DPY19L3: variants seen among roughly 807,000 people sequenced by gnomAD.
DPY19L3 encodes the protein dpy-19 like C-mannosyltransferase 3.
DPY19L3 carries 51 observed loss-of-function variants against 92.3 expected under a neutral mutation model. The observed-to-expected ratio is 0.55, with a 90% CI of 0.44 to 0.70. The LOEUF (loss-of-function observed/expected upper bound fraction) is 0.70, where lower values mean the gene tolerates loss of function less well. Ranked by LOEUF, DPY19L3 falls within the 30% of genes least tolerant of loss-of-function variation. DPY19L3 has a pLI of 0.00. For missense variants in DPY19L3, 706 were observed against 855.9 expected, an observed-to-expected ratio of 0.82 and a Z score of 2.18; for synonymous variants, 309 against 315.2, an observed-to-expected ratio of 0.98 and a Z score of 0.21.
chr19:32,407,424 A>G (rs548851394), intron 1 of DPY19L3, among the ~76,000 whole-genome samples: 1 of 152,308 alleles, frequency 6.6e-6, no homozygotes, highest in South Asian at 2.1e-4. Context: ...AGACAAAACA[A>G]TATTTTAATT....
chr19:32,458,886 A>G (rs562221196), intron 12 of DPY19L3, among the ~76,000 whole-genome samples: 1 of 152,358 alleles, frequency 6.6e-6, no homozygotes, highest in East Asian at 1.9e-4. Flanking sequence ...TCTGGTGCCT[A>G]GACTTCGGCA....
chr19:32,472,312 T>G (rs188081512), intron 16 of DPY19L3, among the ~76,000 whole-genome samples: 1 of 152,250 alleles, frequency 6.6e-6, no homozygotes, highest in Admixed American at 6.5e-5. Context: ...GTTGTTAAAG[T>G]CAGGGCCCCA....
At position 32,468,553 on chromosome 19, in the gene DPY19L3, C is replaced by T. The variant is rs896714538; in HGVS notation, c.1615-178C>T. The T allele has an allele frequency of 1.1e-4, 142 of 1,258,830 alleles. No individual in the cohort carries two copies. The African/African-American group carries it at 1.5e-3, about 13-fold the overall frequency. The allele number at this position is 1,258,830 out of a possible 1,614,324, so 78.0% of individuals were successfully genotyped here. ...AAGATAATTTCAGAAACTTCCCAGG[C>T]GCTAGTTCCCTTGTATTAGGAGGGT... On this transcript the variant is annotated intron_variant, in intron 15 of 18. Transcript: ENST00000392250.
intron 16 of DPY19L3, 140 bp downstream of exon 16, chr19:32,468,953 A>G (rs774950486): frequency 1.4e-6 from 1 of 703,932 alleles, no homozygotes; most frequent in Non-Finnish European, 2.1e-6. Context: ...TTTTTCTTTA[A>G]AACTCCATAT....
intron 3 of DPY19L3, chr19:32,427,968 C>CTTTTTT (rs35644896): frequency 2.9e-5 from 3 of 103,842 alleles, no homozygotes; most frequent in African/African-American, 3.8e-5. Flanking sequence ...GTAAACAAAT[C>CTTTTTT]TTTTTTTTTT....
intron 18 of DPY19L3, 34 bp from the exon 19 acceptor site, chr19:32,482,045 C>T (rs1436461242): frequency 3.1e-6 from 5 of 1,598,118 alleles, no homozygotes; most frequent in African/African-American, 1.4e-5. Flanking sequence ...AGAATTTTCC[C>T]CCCAAATTGT....
chr19:32,473,962 C>T (rs939001589), intron 16 of DPY19L3, among the ~76,000 whole-genome samples: 2 of 152,164 alleles, frequency 1.3e-5, no homozygotes, highest in African/African-American at 2.4e-5. Context: ...GCCACCACAC[C>T]TGGCTAATTT....
intron 15 of DPY19L3, among the ~76,000 whole-genome samples, chr19:32,466,304 C>G (rs763352279): frequency 1.3e-5 from 2 of 152,122 alleles, no homozygotes; most frequent in African/African-American, 2.4e-5. Flanking sequence ...TGTTTGGGTC[C>G]CACTCCAGAC....
chr19:32,471,505 C>G (rs1970356625), intron 16 of DPY19L3, among the ~76,000 whole-genome samples: 1 of 152,114 alleles, frequency 6.6e-6, no homozygotes, highest in Admixed American at 6.5e-5. Context: ...CTCAAGTGAC[C>G]CTCCATTTTG....
intron 12 of DPY19L3, among the ~76,000 whole-genome samples, chr19:32,462,476 G>A (rs1836417487): frequency 6.6e-6 from 1 of 152,082 alleles, no homozygotes; most frequent in African/African-American, 2.4e-5. Flanking sequence ...GATAAGAGGG[G>A]ACTACTGTGC....
rs543154198 is a variant in DPY19L3, at chr19:32,419,413, G to A, written c.237+8041G>A. ...CCTGACCTCGTGATCCACCCGCCTC[G>A]GCCTCCCAAAGTGCAGGGATTACAG... is the stretch of plus-strand genomic sequence containing the variant. On this transcript the variant is annotated intron_variant, in intron 3 of 18. Coordinates refer to ENST00000392250, the MANE Select transcript of DPY19L3 (RefSeq NM_001172774.2). Among the ~76,000 whole-genome samples the A allele has an allele frequency of 4.0e-5, 6 of 151,708 alleles. No homozygotes were observed. In the South Asian group the frequency reaches 6.3e-4, roughly 16 times the overall value.
At chr19:32,467,601 C>G in intron 15 of DPY19L3, 1 of 987,568 alleles carries the variant, frequency 1.0e-6, no homozygotes, top group Non-Finnish European at 1.2e-6. Flanking sequence ...AGTGATAGGT[C>G]TCAAACACAG....
chr19:32,474,455 A>G (rs1384600126), intron 16 of DPY19L3, among the ~76,000 whole-genome samples: 1 of 152,236 alleles, frequency 6.6e-6, no homozygotes, highest in East Asian at 1.9e-4. Context: ...AGGAGAGAGC[A>G]TCTTCAGTGA....
chr19:32,449,488 A>G (rs1372289599), intron 8 of DPY19L3, among the ~76,000 whole-genome samples: 1 of 152,138 alleles, frequency 6.6e-6, no homozygotes, highest in Non-Finnish European at 1.5e-5. Flanking sequence ...AAGAAGAGTA[A>G]AGTTGGAAGA....
At chr19:32,463,006 T>G (rs1278283293) in intron 12 of DPY19L3, among the ~76,000 whole-genome samples, 2 of 152,160 alleles carry the variant, frequency 1.3e-5, no homozygotes, top group African/African-American at 2.4e-5. Context: ...TTGTAAAAAT[T>G]TGAAAAATAC....
At chr19:32,413,794 C>T (rs543317368) in intron 3 of DPY19L3, among the ~76,000 whole-genome samples, 12 of 152,112 alleles carry the variant, frequency 7.9e-5, no homozygotes, top group Admixed American at 3.3e-4. Flanking sequence ...AATTACAGCT[C>T]GCTGCAGCCC....
intron 3 of DPY19L3, among the ~76,000 whole-genome samples, chr19:32,431,400 A>G (rs1968963318): frequency 6.6e-6 from 1 of 151,646 alleles, no homozygotes; most frequent in African/African-American, 2.4e-5. Context: ...AGATCGAATT[A>G]TATTTTAGAC....
chr19:32,420,406 G>A (rs2145427965), intron 3 of DPY19L3, among the ~76,000 whole-genome samples: 1 of 152,164 alleles, frequency 6.6e-6, no homozygotes. Flanking sequence ...ACAGGAGCCA[G>A]TGGATGCATT....
intron 8 of DPY19L3, among the ~76,000 whole-genome samples, chr19:32,442,222 A>G (rs891073396): frequency 2.0e-5 from 3 of 152,348 alleles, no homozygotes; most frequent in African/African-American, 4.8e-5. Context: ...TCATCTTTTC[A>G]TGAATGATGA....
Sources: allele counts gnomAD v4.1 joint callset (sites outside exome capture counted in the v4.1 genomes callset), GRCh38; gene constraint gnomAD v4.1.1; transcripts MANE v1.5; gene names NCBI Gene and HGNC (gene_info 2026-07-23, HGNC 2026-07-21).